LRRC7: variants seen among roughly 807,000 people sequenced by gnomAD.
LRRC7 encodes the protein leucine rich repeat containing 7.
In LRRC7, 23 loss-of-function variants were observed where a neutral mutation model predicts 175.7. The observed-to-expected ratio is 0.13, with a 90% CI of 0.09 to 0.19. The LOEUF is 0.19. Ranked by LOEUF, LRRC7 falls within the 10% of genes least tolerant of loss-of-function variation. The probability of loss-of-function intolerance (pLI) is 1.00; values close to 1 mark genes in which losing one functional copy is unlikely to be tolerated. For synonymous variants in LRRC7, 685 were observed against 680.9 expected, an observed-to-expected ratio of 1.01 and a Z score of -0.09; for missense variants, 1,354 against 1,904.7, an observed-to-expected ratio of 0.71 and a Z score of 5.38.
chr1:69,866,850 T>C (rs1444871940), intron 7 of LRRC7, among the ~76,000 whole-genome samples: 4 of 152,294 alleles, frequency 2.6e-5, no homozygotes, highest in Middle Eastern at 3.4e-3. Flanking sequence ...CTTGTGATTT[T>C]ATGAGTTATT....
chr1:69,912,614 A>G (rs976861539), intron 7 of LRRC7, among the ~76,000 whole-genome samples: 1 of 152,184 alleles, frequency 6.6e-6, no homozygotes, highest in Non-Finnish European at 1.5e-5. Context: ...CAAAGAGCTC[A>G]AAAGTTCTAT....
chr1:69,601,740 G>T (rs1647082760), intron 1 of LRRC7, among the ~76,000 whole-genome samples: 1 of 152,046 alleles, frequency 6.6e-6, no homozygotes, highest in African/African-American at 2.4e-5. Context: ...ATTGGGTTAG[G>T]CTACTGACCT....
intron 3 of LRRC7, 100 bp downstream of exon 3, chr1:69,760,493 G>A (rs953448312): frequency 1.0e-6 from 1 of 952,868 alleles, no homozygotes; most frequent in East Asian, 2.6e-5. Context: ...TCCTATCTAG[G>A]TAACTGACAA....
At chr1:70,043,621 G>A (rs781723350) in intron 21 of LRRC7, among the ~76,000 whole-genome samples, 9 of 152,302 alleles carry the variant, frequency 5.9e-5, no homozygotes, top group African/African-American at 1.2e-4. Flanking sequence ...ATTTTTAAAT[G>A]AATAGACTAC....
intron 1 of LRRC7, among the ~76,000 whole-genome samples, chr1:69,661,175 A>AT (rs1173360926): frequency 3.3e-5 from 5 of 151,996 alleles, no homozygotes; most frequent in African/African-American, 1.2e-4. Flanking sequence ...AAGAACAAAG[A>AT]TTTTTTAATG....
intron 18 of LRRC7, among the ~76,000 whole-genome samples, chr1:70,032,016 C>G (rs1005641984): frequency 4.6e-5 from 7 of 152,122 alleles, no homozygotes. Flanking sequence ...CCAGGATGGT[C>G]TCGATCTCCT....
At chr1:69,994,175 C>T (rs1262337929) in intron 10 of LRRC7, among the ~76,000 whole-genome samples, 1 of 152,124 alleles carries the variant, frequency 6.6e-6, no homozygotes, top group East Asian at 1.9e-4. Flanking sequence ...TGTATCACAA[C>T]AGCGATGTTA....
Position 70,138,761 on chromosome 1 carries a change from C to T in LRRC7, c.*16874C>T, listed in dbSNP as rs1020117121. On this transcript the variant is annotated 3_prime_UTR_variant, in exon 27 of 27. Transcript: ENST00000651989. Reference sequence around the variant, plus strand: ...GGTGGCCTTTCTGTGTGGAGGAGCTCGTTTGTCCAAGGTATGATCTACCAG... The same window carrying T: ...GGTGGCCTTTCTGTGTGGAGGAGCTTGTTTGTCCAAGGTATGATCTACCAG... 9 of 152,084 alleles carry T rather than the reference C, an allele frequency of 5.9e-5. No individual in the cohort carries two copies. The highest frequency in any genetic ancestry group is 1.9e-4 in the African/African-American group (8 of 41,406). The allele number at this position is 152,084 out of a possible 1,614,324, so 9.4% of individuals were successfully genotyped here.
At chr1:69,916,611 T>A (rs1311898094) in intron 7 of LRRC7, among the ~76,000 whole-genome samples, 4 of 152,060 alleles carry the variant, frequency 2.6e-5, no homozygotes, top group Non-Finnish European at 5.9e-5. Context: ...TTGGCAACTA[T>A]CAATTAATTA....
chr1:69,891,288 G>T (rs770462852), intron 7 of LRRC7, among the ~76,000 whole-genome samples: 1 of 152,174 alleles, frequency 6.6e-6, no homozygotes, highest in African/African-American at 2.4e-5. Context: ...TGTGTCTCAG[G>T]GAATAGAGAT....
At chr1:69,938,927 A>C (rs563876970) in intron 8 of LRRC7, among the ~76,000 whole-genome samples, 11 of 149,342 alleles carry the variant, frequency 7.4e-5, no homozygotes, top group Middle Eastern at 3.5e-3. Flanking sequence ...AATTTTAAGG[A>C]AAATACTTGA....
At chr1:70,108,698 A>C (rs1665310644) in intron 26 of LRRC7, among the ~76,000 whole-genome samples, 1 of 152,238 alleles carries the variant, frequency 6.6e-6, no homozygotes, top group Non-Finnish European at 1.5e-5. Flanking sequence ...GAAATGGCTC[A>C]ACATAATATA....
At chr1:69,702,950 C>A (rs1333553293) in intron 2 of LRRC7, among the ~76,000 whole-genome samples, 1 of 151,988 alleles carries the variant, frequency 6.6e-6, no homozygotes, top group Non-Finnish European at 1.5e-5. Flanking sequence ...GTGTTTTCCT[C>A]TCCTAGGATC....
At chr1:69,620,643 C>G (rs1650416427) in intron 1 of LRRC7, among the ~76,000 whole-genome samples, 1 of 152,186 alleles carries the variant, frequency 6.6e-6, no homozygotes, top group Admixed American at 6.5e-5. Context: ...CCATCTCTGA[C>G]ATGGCACTGA....
intron 23 of LRRC7, among the ~76,000 whole-genome samples, chr1:70,058,584 G>A (rs1410285319): frequency 1.3e-5 from 2 of 152,170 alleles, no homozygotes; most frequent in East Asian, 1.9e-4. Context: ...TTGGTTTCAT[G>A]TATTAAATCT....
At chr1:69,857,647 G>A (rs1205607237) in intron 7 of LRRC7, among the ~76,000 whole-genome samples, 1 of 152,120 alleles carries the variant, frequency 6.6e-6, no homozygotes, top group Non-Finnish European at 1.5e-5. Flanking sequence ...CATACTCATG[G>A]ATAGGAAGAA....
intron 1 of LRRC7, among the ~76,000 whole-genome samples, chr1:69,663,949 C>A (rs1419760529): frequency 1.3e-5 from 2 of 151,668 alleles, no homozygotes; most frequent in Non-Finnish European, 2.9e-5. Context: ...TCTCGATCTC[C>A]TGACCTCATG....
intron 2 of LRRC7, among the ~76,000 whole-genome samples, chr1:69,728,603 A>G (rs930965733): frequency 6.6e-6 from 1 of 152,218 alleles, no homozygotes; most frequent in African/African-American, 2.4e-5. Flanking sequence ...AGCTCTTTCC[A>G]TGATCATGAG....
intron 3 of LRRC7, among the ~76,000 whole-genome samples, chr1:69,761,037 A>G (rs1670983802): frequency 6.6e-6 from 1 of 151,966 alleles, no homozygotes; most frequent in African/African-American, 2.4e-5. Context: ...ATGCAAAGAA[A>G]ACCAGGTCTC....
Sources: gnomAD v4.1 joint callset for allele counts (sites outside exome capture counted in the v4.1 genomes callset) on GRCh38, gnomAD v4.1.1 for gene constraint, MANE v1.5 for transcripts, NCBI Gene and HGNC (gene_info 2026-07-23, HGNC 2026-07-21) for gene names.